Variants in RGS6 observed in about 807,000 individuals in gnomAD.
The protein encoded by RGS6 is regulator of G protein signaling 6.
In RGS6, 30 loss-of-function variants were observed where a neutral mutation model predicts 78.5. That is an observed-to-expected ratio of 0.38 (90% CI 0.29 to 0.52). The LOEUF (loss-of-function observed/expected upper bound fraction) is 0.52, where lower values mean the gene tolerates loss of function less well. Among genes scored for constraint, RGS6 ranks in the 20% least tolerant of loss-of-function variants. The pLI is 0.85. For synonymous variants in RGS6, 206 were observed against 206.0 expected, an observed-to-expected ratio of 1.00 and a Z score of 0.00; for missense variants, 495 against 609.7, an observed-to-expected ratio of 0.81 and a Z score of 1.98.
chr14:72,295,705 A>G (rs75501557), intron 2 of RGS6, among the ~76,000 whole-genome samples: 1,612 of 152,322 alleles, frequency 0.011, 28 homozygotes, highest in African/African-American at 0.037. Flanking sequence ...GGCTTAATAT[A>G]ATATTAATAT....
At chr14:72,447,865 A>G (rs1259184306) in intron 3 of RGS6, among the ~76,000 whole-genome samples, 3 of 151,976 alleles carry the variant, frequency 2.0e-5, no homozygotes, top group African/African-American at 7.2e-5. Flanking sequence ...CACCACACCA[A>G]GCTAATTTTT....
chr14:72,207,924 G>C, intron 2 of RGS6, among the ~76,000 whole-genome samples: 1 of 152,318 alleles, frequency 6.6e-6, no homozygotes, highest in Non-Finnish European at 1.5e-5. Context: ...TGGAGGAAGT[G>C]AATGAATATC....
intron 17 of RGS6, chr14:72,540,515 T>C (rs1270004593): frequency 1.8e-5 from 28 of 1,558,204 alleles, no homozygotes; most frequent in African/African-American, 2.8e-5. Context: ...AGCCAAAATT[T>C]CCCTCTGTGA....
At chr14:72,119,619 C>T (rs1356608676) in intron 2 of RGS6, among the ~76,000 whole-genome samples, 1 of 151,972 alleles carries the variant, frequency 6.6e-6, no homozygotes, top group Non-Finnish European at 1.5e-5. Flanking sequence ...TGATTTTAGC[C>T]ATCTATGAGC....
intron 2 of RGS6, among the ~76,000 whole-genome samples, chr14:72,114,636 G>A (rs1255288623): frequency 1.3e-5 from 2 of 152,200 alleles, no homozygotes; most frequent in South Asian, 2.1e-4. Flanking sequence ...AGAATATTTA[G>A]TGAGGTGTAC....
intron 2 of RGS6, among the ~76,000 whole-genome samples, chr14:72,295,126 C>T (rs554876526): frequency 2.7e-4 from 41 of 151,642 alleles, no homozygotes; most frequent in Middle Eastern, 6.8e-3. Context: ...CCCGTCTCTA[C>T]TAAAAATACA....
intron 2 of RGS6, among the ~76,000 whole-genome samples, chr14:72,249,947 G>T (rs1156806499): frequency 6.6e-6 from 1 of 151,864 alleles, no homozygotes; most frequent in Non-Finnish European, 1.5e-5. Flanking sequence ...GTAGGGACAT[G>T]GATGAAATTG....
chr14:72,200,345 CATGTCTTT>C (rs904261878), intron 2 of RGS6, among the ~76,000 whole-genome samples: 46 of 152,338 alleles, frequency 3.0e-4, no homozygotes, highest in African/African-American at 1.0e-3. Context: ...CTTCCTTCAT[CATGTCTTT>C]GCGTCACTGC....
intron 2 of RGS6, among the ~76,000 whole-genome samples, chr14:72,168,641 G>GT (rs1159917322): frequency 6.6e-6 from 1 of 152,164 alleles, no homozygotes; most frequent in Non-Finnish European, 1.5e-5. Flanking sequence ...AGTTCTAACT[G>GT]TTTTTTTCTA....
Position 72,537,475 on chromosome 14 carries a change from A to C in RGS6, c.1368+1200A>C, listed in dbSNP as rs570787172. 31 of 702,318 alleles carry C rather than the reference A, an allele frequency of 4.4e-5. No individual in the cohort carries two copies. In the South Asian group the frequency reaches 4.4e-4, roughly 10 times the overall value. The allele number at this position is 702,318 out of a possible 1,614,324, so 43.5% of individuals were successfully genotyped here. On this transcript the variant is annotated intron_variant, in intron 16 of 17. Coordinates refer to ENST00000553525, the MANE Select transcript of RGS6 (RefSeq NM_001204424.2). Reference sequence around the variant, plus strand: ...GGAAAGAGGACTTCTGGGGTATCCCAGTTGTCAGCAGCTCTCTGGGTTTCC... The same window carrying C: ...GGAAAGAGGACTTCTGGGGTATCCCCGTTGTCAGCAGCTCTCTGGGTTTCC...
chr14:72,337,999 C>T (rs563153583), intron 2 of RGS6, among the ~76,000 whole-genome samples: 75 of 152,276 alleles, frequency 4.9e-4, no homozygotes, highest in Non-Finnish European at 7.9e-4. Context: ...ATTTCAGGAA[C>T]AGGAAGCAAA....
intron 2 of RGS6, among the ~76,000 whole-genome samples, chr14:71,976,477 G>A (rs1170558406): frequency 2.1e-5 from 3 of 140,966 alleles, no homozygotes; most frequent in African/African-American, 8.1e-5. Context: ...TGATCTCATT[G>A]TTCAGTTCCC....
chr14:72,491,311 G>T (rs534760403), intron 12 of RGS6, among the ~76,000 whole-genome samples: 31 of 150,808 alleles, frequency 2.1e-4, no homozygotes, highest in African/African-American at 7.3e-4. Flanking sequence ...TGTGAACAAC[G>T]GTGTTCTACC....
chr14:72,104,641 T>C (rs1047608823), intron 2 of RGS6, among the ~76,000 whole-genome samples: 5 of 152,228 alleles, frequency 3.3e-5, no homozygotes, highest in South Asian at 2.1e-4. Context: ...CTGTTTGGAC[T>C]CCTGCAAGCT....
At chr14:72,554,733 G>A (rs2097547760) in intron 17 of RGS6, among the ~76,000 whole-genome samples, 2 of 152,212 alleles carry the variant, frequency 1.3e-5, no homozygotes, top group Non-Finnish European at 2.9e-5. Context: ...TGTTCCGTCA[G>A]ATGAGAGGAG....
intron 13 of RGS6, among the ~76,000 whole-genome samples, chr14:72,509,659 T>G (rs1255700746): frequency 1.3e-5 from 2 of 152,238 alleles, no homozygotes; most frequent in African/African-American, 4.8e-5. Context: ...GAGAATATGC[T>G]TTACTCTGGA....
chr14:72,046,656 C>G (rs2092868801), intron 2 of RGS6, among the ~76,000 whole-genome samples: 2 of 151,608 alleles, frequency 1.3e-5, no homozygotes, highest in Non-Finnish European at 2.9e-5. Context: ...TTCTACTCTT[C>G]CTCCTCCTCT....
chr14:72,392,147 A>C (rs2090137713), intron 3 of RGS6, among the ~76,000 whole-genome samples: 1 of 151,858 alleles, frequency 6.6e-6, no homozygotes, highest in African/African-American at 2.4e-5. Context: ...GCCTCTCCAG[A>C]GGAGACTTTG....
chr14:72,362,432 C>A (rs993484122), intron 3 of RGS6, among the ~76,000 whole-genome samples: 1 of 152,120 alleles, frequency 6.6e-6, no homozygotes, highest in East Asian at 1.9e-4. Flanking sequence ...TTCCATGAAC[C>A]GGCAATCTGG....
Sources: allele counts gnomAD v4.1 joint callset (sites outside exome capture counted in the v4.1 genomes callset), GRCh38; gene constraint gnomAD v4.1.1; transcripts MANE v1.5; gene names NCBI Gene and HGNC (gene_info 2026-07-23, HGNC 2026-07-21).